Variants in PALS1 observed in about 807,000 individuals in gnomAD.
PALS1 encodes protein PALS1.
PALS1 carries 31 observed loss-of-function variants against 78.9 expected under a neutral mutation model. The ratio of observed to expected loss-of-function variants is 0.39; its 90% confidence interval spans 0.30 to 0.53. The LOEUF (loss-of-function observed/expected upper bound fraction) is 0.53. PALS1 is among the 20% of genes least tolerant of loss of function. The probability of loss-of-function intolerance (pLI) is 0.67; values close to 1 mark genes in which losing one functional copy is unlikely to be tolerated. For missense variants in PALS1, 704 were observed against 826.5 expected (o/e 0.85, Z 1.82); for synonymous variants, 276 against 270.9 (o/e 1.02, Z -0.18).
intron 1 of PALS1, among the ~76,000 whole-genome samples, chr14:67,243,293 TCTC>T (rs1181304937): frequency 1.3e-5 from 2 of 151,590 alleles, no homozygotes; most frequent in African/African-American, 4.9e-5. Flanking sequence ...TTCAAGTGAT[TCTC>T]CTGCTCTCAG....
In PALS1 at chr14:67,320,269, C is replaced by A; in HGVS notation, c.1409C>A (p.Ser470Ter). ...GAGATCTTAACCTATGAGGAAATGTCACTTTATCATCAGCCAGCAAATAGG... is the reference window on the plus strand; with the variant it reads ...GAGATCTTAACCTATGAGGAAATGTAACTTTATCATCAGCCAGCAAATAGG... ...NEEILTYEEMSLYHQPANRKR... is the reference protein window; with the variant it reads ...NEEILTYEEM The change falls in exon 12 of 15, where the codon TCA (serine) becomes TAA (stop). Residue 470 changes from serine (S) to a stop codon, truncating the protein, a stop_gained. Coordinates refer to ENST00000261681, the MANE Select transcript of PALS1 (RefSeq NM_022474.4). LOFTEE classifies it high-confidence loss of function. 6.2e-7 allele frequency: 1 copy of A among 1,613,300 alleles called. No individual in the cohort carries two copies. The highest frequency in any genetic ancestry group is 1.7e-4 in the Middle Eastern group (1 of 6,060).
chr14:67,304,893 GAGAA>G (rs1291272068), intron 8 of PALS1, among the ~76,000 whole-genome samples: 1 of 152,172 alleles, frequency 6.6e-6, no homozygotes, highest in African/African-American at 2.4e-5. Context: ...ATAGCAGTTT[GAGAA>G]AGAACACAGT....
chr14:67,311,791 G>A (rs530626370), intron 8 of PALS1, among the ~76,000 whole-genome samples: 108 of 152,186 alleles, frequency 7.1e-4, no homozygotes, highest in Non-Finnish European at 1.2e-3. Context: ...AACTTGTACC[G>A]TTAATAATAT....
chr14:67,292,948 A>G (rs1176406242), intron 4 of PALS1, among the ~76,000 whole-genome samples: 1 of 152,190 alleles, frequency 6.6e-6, no homozygotes, highest in African/African-American at 2.4e-5. Context: ...TTTTTTATAT[A>G]TAATCATAAA....
At chr14:67,266,527 T>G (rs1204955015) in intron 1 of PALS1, among the ~76,000 whole-genome samples, 4 of 152,124 alleles carry the variant, frequency 2.6e-5, no homozygotes, top group Non-Finnish European at 5.9e-5. Context: ...GGTTTCACCA[T>G]GTTGGCCAGG....
intron 4 of PALS1, among the ~76,000 whole-genome samples, chr14:67,300,853 T>C (rs1020518297): frequency 6.6e-6 from 1 of 151,952 alleles, no homozygotes; most frequent in Non-Finnish European, 1.5e-5. Flanking sequence ...TTTTTTTAAT[T>C]ATATAAAAAA....
intron 1 of PALS1, among the ~76,000 whole-genome samples, chr14:67,243,247 C>T (rs917430637): frequency 1.3e-4 from 20 of 151,352 alleles, no homozygotes; most frequent in South Asian, 2.1e-4. Flanking sequence ...AGTGTAGTGG[C>T]GCGATCTTGG....
chr14:67,328,661 G>T (rs1166264157), intron 14 of PALS1, among the ~76,000 whole-genome samples: 3 of 152,178 alleles, frequency 2.0e-5, no homozygotes, highest in African/African-American at 7.2e-5. Flanking sequence ...TGTATAAGGT[G>T]TAAGGAAGGG....
chr14:67,272,802 G>C (rs981309557), intron 2 of PALS1, among the ~76,000 whole-genome samples: 4 of 152,096 alleles, frequency 2.6e-5, no homozygotes, highest in African/African-American at 9.7e-5. Flanking sequence ...GGGACTACAG[G>C]CACAAGCCAC....
At chr14:67,307,130 A>T (rs780082940) in intron 8 of PALS1, among the ~76,000 whole-genome samples, 1 of 152,194 alleles carries the variant, frequency 6.6e-6, no homozygotes, top group African/African-American at 2.4e-5. Context: ...CTGCTCTTTC[A>T]GTAGCAGAGG....
intron 1 of PALS1, among the ~76,000 whole-genome samples, chr14:67,265,349 G>C (rs757546988): frequency 2.0e-5 from 3 of 152,152 alleles, no homozygotes; most frequent in Non-Finnish European, 4.4e-5. Context: ...TTGAGGCAAG[G>C]AGTTGAAGAC....
At chr14:67,278,198 G>A (rs1442811974) in intron 2 of PALS1, among the ~76,000 whole-genome samples, 1 of 151,960 alleles carries the variant, frequency 6.6e-6, no homozygotes, top group Non-Finnish European at 1.5e-5. Context: ...CACCACACCT[G>A]GCTAGTTTTT....
intron 14 of PALS1, among the ~76,000 whole-genome samples, chr14:67,325,852 A>C (rs2085345131): frequency 1.3e-5 from 2 of 150,794 alleles, no homozygotes; most frequent in African/African-American, 4.9e-5. Context: ...TCTGTCGCCC[A>C]GGCTGGAATG....
intron 9 of PALS1, among the ~76,000 whole-genome samples, chr14:67,313,324 C>T (rs1314135905): frequency 2.0e-5 from 3 of 152,120 alleles, no homozygotes; most frequent in African/African-American, 7.2e-5. Context: ...AGAAATGTGC[C>T]ATTAGGTGAT....
chr14:67,257,280 A>T (rs1251421186), intron 1 of PALS1, among the ~76,000 whole-genome samples: 1 of 152,102 alleles, frequency 6.6e-6, no homozygotes, highest in East Asian at 1.9e-4. Context: ...TCTCAGGTGA[A>T]CCTCAGAGGG....
intron 11 of PALS1, among the ~76,000 whole-genome samples, chr14:67,317,942 A>G (rs2085203090): frequency 6.6e-6 from 1 of 152,206 alleles, no homozygotes; most frequent in Non-Finnish European, 1.5e-5. Context: ...AAAAGCTCTG[A>G]TAATGTTGGG....
At chr14:67,312,435 AAAT>A (rs1286559439) in intron 8 of PALS1, 89 bp from the exon 9 acceptor site, 4 of 939,190 alleles carry the variant, frequency 4.3e-6, no homozygotes, top group East Asian at 3.0e-5. Flanking sequence ...TAAAATTAAA[AAAT>A]AATAAAAAAT....
At chr14:67,311,063 G>A (rs968724041) in intron 8 of PALS1, among the ~76,000 whole-genome samples, 3 of 152,126 alleles carry the variant, frequency 2.0e-5, no homozygotes, top group African/African-American at 7.2e-5. Flanking sequence ...TGTAATCCCA[G>A]CACTTTGGGA....
rs2141074366 is a variant in PALS1, at chr14:67,333,530, C to A, written c.*574C>A. The A allele has an allele frequency of 1.3e-5, 2 of 152,660 alleles. No individual in the cohort carries two copies. Among genetic ancestry groups the A allele is most frequent in the Non-Finnish European group, 2.9e-5 (2 of 68,006 alleles). 9.5% of individuals were successfully genotyped at this position (152,660 alleles called of 1,614,324 possible). On this transcript the variant is annotated 3_prime_UTR_variant, in exon 15 of 15. Coordinates refer to ENST00000261681, the MANE Select transcript of PALS1 (RefSeq NM_022474.4). Reference sequence around the variant, plus strand: ...GAAGCTACTTTGTTAGGCTTGAATTCATTTATATGTCTTTTGATTCTTAAA... The same window carrying A: ...GAAGCTACTTTGTTAGGCTTGAATTAATTTATATGTCTTTTGATTCTTAAA...
Sources: gnomAD v4.1 joint callset for allele counts (sites outside exome capture counted in the v4.1 genomes callset) on GRCh38, gnomAD v4.1.1 for gene constraint, MANE v1.5 for transcripts, NCBI Gene and HGNC (gene_info 2026-07-23, HGNC 2026-07-21) for gene names.